N4BP2: variants seen among roughly 807,000 people sequenced by gnomAD.
N4BP2 encodes the protein NEDD4-binding protein 2.
In N4BP2, 91 loss-of-function variants were observed where a neutral mutation model predicts 152.8. That is an observed-to-expected ratio of 0.60 (90% CI 0.50 to 0.71). The LOEUF (loss-of-function observed/expected upper bound fraction) is 0.71, where lower values mean the gene tolerates loss of function less well. Among genes scored for constraint, N4BP2 ranks in the 30% least tolerant of loss-of-function variants. The probability of loss-of-function intolerance (pLI) is 0.00; values close to 1 mark genes in which losing one functional copy is unlikely to be tolerated. For missense variants in N4BP2, 1,923 were observed against 2,059.1 expected, an observed-to-expected ratio of 0.93 and a Z score of 1.28; for synonymous variants, 646 against 705.3, an observed-to-expected ratio of 0.92 and a Z score of 1.33.
intron 16 of N4BP2, among the ~76,000 whole-genome samples, chr4:40,147,453 C>T (rs370277608): frequency 5.9e-5 from 9 of 151,986 alleles, no homozygotes; most frequent in Admixed American, 2.6e-4. Context: ...GGGTGGTGGC[C>T]GGGCAGAGGG....
rs146167456 is a variant in N4BP2 at position 40,123,175 on chromosome 4, C to T, written c.4247C>T (p.Ala1416Val). Reference sequence around the variant, plus strand: ...GTGGTTCATATAGATCTGAATCTGGCGAAAGTGATTCATGAGAAATGGAAA... The same window carrying T: ...GTGGTTCATATAGATCTGAATCTGGTGAAAGTGATTCATGAGAAATGGAAA... Reference protein sequence around the residue: ...DCVVHIDLNLAKVIHEKWKES... With the variant: ...DCVVHIDLNLVKVIHEKWKES... Residue 1416 changes from alanine (A) to valine (V), a missense_variant, in exon 10 of 18, where the codon GCG (alanine) becomes GTG (valine). Coordinates refer to ENST00000261435, the MANE Select transcript of N4BP2 (RefSeq NM_018177.6). 6.8e-6 allele frequency: 11 copies of T among 1,612,374 alleles called. No homozygotes were observed. Among genetic ancestry groups the T allele is most frequent in the African/African-American group, 6.7e-5 (5 of 74,866 alleles).
intron 12 of N4BP2, among the ~76,000 whole-genome samples, chr4:40,127,792 C>T (rs1718553500): frequency 6.6e-6 from 1 of 152,086 alleles, no homozygotes; most frequent in African/African-American, 2.4e-5. Flanking sequence ...TCCTGAGTAT[C>T]TGGAACTACA....
At chr4:40,086,071 G>C (rs1236446824) in intron 2 of N4BP2, among the ~76,000 whole-genome samples, 7 of 149,602 alleles carry the variant, frequency 4.7e-5, no homozygotes, top group Admixed American at 2.7e-4. Flanking sequence ...GGATTCGAGC[G>C]ATCCTCCTGC....
At chr4:40,095,265 AG>A (rs1441553280) in intron 2 of N4BP2, among the ~76,000 whole-genome samples, 1 of 151,904 alleles carries the variant, frequency 6.6e-6, no homozygotes, top group African/African-American at 2.4e-5. Flanking sequence ...ATTTTAGTAG[AG>A]ACAGAATTTC....
chr4:40,119,674 T>C (rs1344036413), intron 8 of N4BP2, among the ~76,000 whole-genome samples: 1 of 152,172 alleles, frequency 6.6e-6, no homozygotes, highest in African/African-American at 2.4e-5. Context: ...ATCTCATATG[T>C]ACTATTCAAT....
At chr4:40,163,847 T>G in the N4BP2 span, among the ~76,000 whole-genome samples, 301 of 152,320 alleles carry the variant, frequency 2.0e-3, no homozygotes, top group African/African-American at 6.8e-3. Flanking sequence ...GATATACCCC[T>G]TTTTACAGAC....
chr4:40,107,787 AAG>A (rs751159518), intron 5 of N4BP2, among the ~76,000 whole-genome samples: 5 of 152,168 alleles, frequency 3.3e-5, no homozygotes, highest in Non-Finnish European at 7.4e-5. Flanking sequence ...TAAGGATTCA[AAG>A]AGTTAATTTT....
chr4:40,180,252 G>A, the N4BP2 span, among the ~76,000 whole-genome samples: 1 of 151,940 alleles, frequency 6.6e-6, no homozygotes, highest in Admixed American at 6.6e-5. Context: ...AAAAAAATGG[G>A]CACAAGATAT....
At chr4:40,165,264 C>CT in the N4BP2 span, among the ~76,000 whole-genome samples, 2,374 of 148,720 alleles carry the variant, frequency 0.016, 63 homozygotes, top group African/African-American at 0.052. Context: ...TCAATCTGTA[C>CT]TTTTTTTTTT....
chr4:40,116,417 A>G (rs903838434), intron 7 of N4BP2, among the ~76,000 whole-genome samples: 3 of 152,008 alleles, frequency 2.0e-5, no homozygotes, highest in Non-Finnish European at 4.4e-5. Flanking sequence ...TTTTTTTCCT[A>G]TCATGCCTTA....
At chr4:40,135,487 T>C (rs1224290728) in intron 13 of N4BP2, among the ~76,000 whole-genome samples, 1 of 152,184 alleles carries the variant, frequency 6.6e-6, no homozygotes. Context: ...CTGGGTCAAA[T>C]GGTATTCCTA....
intron 14 of N4BP2, among the ~76,000 whole-genome samples, chr4:40,141,159 GGGGCAGCC>G (rs1719896118): frequency 6.6e-6 from 1 of 151,984 alleles, no homozygotes; most frequent in Non-Finnish European, 1.5e-5. Context: ...CCTCCCAGTA[GGGGCAGCC>G]GGGCAGAGGC....
rs934308597 is a variant in N4BP2, at chr4:40,156,852, A to G, written c.*2615A>G. ...TAGGTTAGCGATACTCAACAAGTAA[A>G]TATAATGCACATGTTCTAAAATATC... On this transcript the variant is annotated 3_prime_UTR_variant, in exon 18 of 18. Transcript: ENST00000261435. 1.3e-5 allele frequency: 2 copies of G among 152,146 alleles called. No homozygotes were observed. Among genetic ancestry groups the G allele is most frequent in the African/African-American group, 2.4e-5 (1 of 41,440 alleles). 9.4% of individuals were successfully genotyped at this position (152,146 alleles called of 1,614,324 possible).
chr4:40,176,793 G>C, the N4BP2 span, among the ~76,000 whole-genome samples: 2 of 152,244 alleles, frequency 1.3e-5, no homozygotes, highest in Admixed American at 1.3e-4. Flanking sequence ...GGAGCCTCGG[G>C]AAGTTCATGC....
chr4:40,092,017 TATA>T (rs1714642166), intron 2 of N4BP2, among the ~76,000 whole-genome samples: 1 of 96,636 alleles, frequency 1.0e-5, no homozygotes, highest in Admixed American at 1.1e-4. Context: ...ATTATATATA[TATA>T]TATATATATA....
rs1413286723 is a variant in N4BP2, at chr4:40,073,457, A to G, written c.-209A>G. The G allele has an allele frequency of 6.6e-6, 1 of 152,182 alleles. No homozygotes were observed. The highest frequency in any genetic ancestry group is 1.5e-5 in the Non-Finnish European group (1 of 68,040). 9.4% of individuals were successfully genotyped at this position (152,182 alleles called of 1,614,324 possible). A position where few individuals can be genotyped will look rare whatever the true frequency, so the allele number is the denominator to read the frequency against. On this transcript the variant is annotated splice_region_variant and 5_prime_UTR_variant, in exon 2 of 18. Transcript: ENST00000261435. ...AATATATAACTTTCCTTTCATAGTA[A>G]GAAGACATGTTGGATAACAAGAAGA...
chr4:40,141,002 C>CA (rs1719877452), intron 14 of N4BP2, among the ~76,000 whole-genome samples: 1 of 151,476 alleles, frequency 6.6e-6, no homozygotes, highest in Non-Finnish European at 1.5e-5. Flanking sequence ...ACTACACAAA[C>CA]ACGGCAACCA....
In N4BP2 at chr4:40,120,460, G is replaced by A; in HGVS notation, c.2349G>A (p.Glu783=). 5 of 1,613,828 alleles carry A rather than the reference G, an allele frequency of 3.1e-6. No homozygotes were observed. Among genetic ancestry groups the A allele is most frequent in the Non-Finnish European group, 4.2e-6 (5 of 1,180,014 alleles). The change falls in exon 9 of 18, where the codon GAG becomes GAA. Residue 783 remains glutamate (E), a synonymous_variant. Transcript: ENST00000261435. ...CTTTGGAAAAGTTCCCAAGACATGAGCTATCAAATTTTGTTGGTGACTGGC... is the reference window on the plus strand; with the variant it reads ...CTTTGGAAAAGTTCCCAAGACATGAACTATCAAATTTTGTTGGTGACTGGC... ...KSTLEKFPRH[E]LSNFVGDWPV...
chr4:40,079,396 T>C (rs1173763791), intron 2 of N4BP2, among the ~76,000 whole-genome samples: 1 of 151,296 alleles, frequency 6.6e-6, no homozygotes, highest in Non-Finnish European at 1.5e-5. Context: ...GGATTACAGG[T>C]GTGAGCCACT....
Sources: gnomAD v4.1 joint callset for allele counts (sites outside exome capture counted in the v4.1 genomes callset) on GRCh38, gnomAD v4.1.1 for gene constraint, MANE v1.5 for transcripts, NCBI Gene and HGNC (gene_info 2026-07-23, HGNC 2026-07-21) for gene names.